The following MAML2 variants were observed in gnomAD, a reference collection of about 807,000 sequenced individuals.
The protein encoded by MAML2 is mastermind like transcriptional coactivator 2, also known as mastermind-like protein 2.
In MAML2, 22 loss-of-function variants were observed where a neutral mutation model predicts 96.1. The ratio of observed to expected loss-of-function variants is 0.23; its 90% CI spans 0.16 to 0.33. MAML2 has a LOEUF of 0.33. MAML2 is among the 10% of genes least tolerant of loss of function. The pLI, the probability that MAML2 is intolerant of heterozygous loss-of-function variation, is 1.00. For missense variants in MAML2, 1,367 were observed against 1,392.4 expected, an observed-to-expected ratio of 0.98 and a Z score of 0.29; for synonymous variants, 561 against 521.3, an observed-to-expected ratio of 1.08 and a Z score of -1.04.
chr11:96,232,559 TC>T (rs1256451126), intron 1 of MAML2, among the ~76,000 whole-genome samples: 3 of 151,934 alleles, frequency 2.0e-5, no homozygotes, highest in Admixed American at 1.3e-4. Flanking sequence ...AAGCTCCGCC[TC>T]CCCGGTTCAT....
chr11:96,289,802 C>T (rs1020655268), intron 1 of MAML2, among the ~76,000 whole-genome samples: 2 of 151,838 alleles, frequency 1.3e-5, no homozygotes, highest in Non-Finnish European at 1.5e-5. Context: ...GTATACACAT[C>T]ATACATTCAA....
intron 1 of MAML2, among the ~76,000 whole-genome samples, chr11:96,187,749 G>A (rs767425265): frequency 2.0e-5 from 3 of 151,370 alleles, no homozygotes; most frequent in African/African-American, 4.9e-5. Context: ...AGCCGAGATC[G>A]TGCCACTGCA....
At chr11:96,295,839 A>G (rs1226362454) in intron 1 of MAML2, among the ~76,000 whole-genome samples, 1 of 151,564 alleles carries the variant, frequency 6.6e-6, no homozygotes, top group African/African-American at 2.4e-5. Flanking sequence ...ATTCATCCAC[A>G]ACCTTCTTTT....
chr11:96,043,232 A>G (rs1858845378), intron 2 of MAML2, among the ~76,000 whole-genome samples: 2 of 152,228 alleles, frequency 1.3e-5, no homozygotes, highest in South Asian at 4.1e-4. Context: ...GATCAGACAC[A>G]TTAGCTAATG....
chr11:96,192,890 G>A (rs1194459037), intron 1 of MAML2, among the ~76,000 whole-genome samples: 1 of 152,206 alleles, frequency 6.6e-6, no homozygotes. Flanking sequence ...ATCTGACACT[G>A]CCTTTGTGTG....
Position 96,202,716 on chromosome 11 carries a change from C to T in MAML2, c.514-109199G>A, listed in dbSNP as rs373495139. 1.1e-4 allele frequency among the ~76,000 whole-genome samples: 16 copies of T among 151,970 alleles called. 1 individual carries two copies. Among genetic ancestry groups the T allele is most frequent in the South Asian group, 8.3e-4 (4 of 4,816 alleles). The stretch of plus-strand genomic sequence containing the variant: ...GATCTTGGCTCACTGCAACCTCCAC[C>T]TCCCGGGTTCAAGCGATTCTCCTGT... On this transcript the variant is annotated intron_variant, in intron 1 of 4. Transcript: ENST00000524717.
At chr11:96,118,108 G>A (rs1027505717) in intron 1 of MAML2, among the ~76,000 whole-genome samples, 9 of 152,214 alleles carry the variant, frequency 5.9e-5, no homozygotes, top group African/African-American at 2.2e-4. Context: ...ACATCATCTG[G>A]TAGAGGAAGC....
Position 96,247,780 on chromosome 11 carries a change from C to A in MAML2, c.513+93603G>T, listed in dbSNP as rs116543280. 7.5e-3 allele frequency among the ~76,000 whole-genome samples: 1,138 copies of A among 152,250 alleles called. 19 individuals carry two copies. The highest frequency in any genetic ancestry group is 0.025 in the African/African-American group (1,037 of 41,550). ...TCCTCTCTCTTCTAAACCTCCAGCA[C>A]CTTCTTCCCAATTCTTACTCCCAGT... On this transcript the variant is annotated intron_variant, in intron 1 of 4. Coordinates refer to ENST00000524717, the MANE Select transcript of MAML2 (RefSeq NM_032427.4).
chr11:96,244,315 T>C (rs531441192), intron 1 of MAML2, among the ~76,000 whole-genome samples: 1 of 152,358 alleles, frequency 6.6e-6, no homozygotes, highest in African/African-American at 2.4e-5. Flanking sequence ...GGCTGCCCTA[T>C]TATGACGTGT....
At chr11:96,310,191 TA>T (rs1188800094) in intron 1 of MAML2, among the ~76,000 whole-genome samples, 1 of 151,990 alleles carries the variant, frequency 6.6e-6, no homozygotes, top group African/African-American at 2.4e-5. Context: ...AAGCCTACTA[TA>T]AAAAAATAGC....
At position 95,977,756 on chromosome 11, in the gene MAML2, G is replaced by A. The variant is rs1157701306; in HGVS notation, c.*1192C>T. On this transcript the variant is annotated 3_prime_UTR_variant, in exon 5 of 5. Coordinates refer to ENST00000524717, the MANE Select transcript of MAML2 (RefSeq NM_032427.4). ...ATGTGGCAATGATTCATCACATCAG[G>A]GACAAAAGAACAAACAGAATGCTCC... The A allele has an allele frequency of 4.5e-6, 1 of 223,660 alleles. No individual in the cohort carries two copies. Among genetic ancestry groups the A allele is most frequent in the African/African-American group, 2.2e-5 (1 of 44,804 alleles). 13.9% of individuals were successfully genotyped at this position (223,660 alleles called of 1,614,324 possible). A position where few individuals can be genotyped will look rare whatever the true frequency, so the allele number is the denominator to read the frequency against.
intron 1 of MAML2, among the ~76,000 whole-genome samples, chr11:96,194,064 G>A (rs537110367): frequency 2.6e-5 from 4 of 152,278 alleles, no homozygotes; most frequent in South Asian, 2.1e-4. Context: ...AGGCCTATCC[G>A]TCAAATGGTA....
At chr11:96,033,670 T>C (rs1473784968) in intron 2 of MAML2, among the ~76,000 whole-genome samples, 1 of 152,182 alleles carries the variant, frequency 6.6e-6, no homozygotes, top group Admixed American at 6.5e-5. Context: ...AAAGTTGTGG[T>C]CTGGTGAGAG....
intron 2 of MAML2, among the ~76,000 whole-genome samples, chr11:96,011,695 G>A (rs1858269251): frequency 6.6e-6 from 1 of 152,090 alleles, no homozygotes; most frequent in South Asian, 2.1e-4. Context: ...GAGCAAATCT[G>A]CACATGTACC....
At chr11:96,129,768 ACTC>A (rs1342565398) in intron 1 of MAML2, among the ~76,000 whole-genome samples, 4 of 151,630 alleles carry the variant, frequency 2.6e-5, no homozygotes, top group African/African-American at 7.3e-5. Flanking sequence ...TTCAGCCCTT[ACTC>A]CTCCTCCTCT....
chr11:96,093,536 T>TAAAAAGGA lies in MAML2; in HGVS notation c.514-27_514-20dup, dbSNP rs758918940. ...CCTGGAGCTGAAAGACAGAAGGGAATAAAAAGGAAAAATAAGAAATATGAA... is the reference window on the plus strand; with the variant it reads ...CCTGGAGCTGAAAGACAGAAGGGAATAAAAAGGAAAAAAGGAAAAATAAGAAATATGAA... On this transcript the variant is annotated intron_variant, in intron 1 of 4. Coordinates refer to ENST00000524717, the MANE Select transcript of MAML2 (RefSeq NM_032427.4). 197 of 1,499,232 alleles carry TAAAAAGGA rather than the reference T, an allele frequency of 1.3e-4. No homozygotes were observed. The highest frequency in any genetic ancestry group is 1.6e-4 in the Non-Finnish European group (181 of 1,106,834). 92.9% of individuals were successfully genotyped at this position (1,499,232 alleles called of 1,614,324 possible).
At chr11:96,205,287 C>A (rs1861880078) in intron 1 of MAML2, among the ~76,000 whole-genome samples, 1 of 152,206 alleles carries the variant, frequency 6.6e-6, no homozygotes, top group Non-Finnish European at 1.5e-5. Flanking sequence ...CTCATTTCTA[C>A]AAGACTGTGA....
chr11:96,069,625 C>T (rs1015242348), intron 2 of MAML2, among the ~76,000 whole-genome samples: 2 of 151,952 alleles, frequency 1.3e-5, no homozygotes, highest in African/African-American at 2.4e-5. Flanking sequence ...GGCAGTGAGT[C>T]GCCATAATGC....
intron 1 of MAML2, among the ~76,000 whole-genome samples, chr11:96,230,708 C>T (rs1347229095): frequency 1.3e-5 from 2 of 152,184 alleles, no homozygotes; most frequent in Admixed American, 6.5e-5. Context: ...AGAGTCCCAA[C>T]GTTCTCTGAT....
Sources: gnomAD v4.1 joint callset for allele counts (sites outside exome capture counted in the v4.1 genomes callset) on GRCh38, gnomAD v4.1.1 for gene constraint, MANE v1.5 for transcripts, NCBI Gene and HGNC (gene_info 2026-07-23, HGNC 2026-07-21) for gene names.